CSMD3: variants seen among roughly 807,000 people sequenced by gnomAD.
The protein encoded by CSMD3 is CUB and Sushi multiple domains 3.
A neutral mutation model predicts 435.2 loss-of-function variants in CSMD3; 177 were observed. The observed-to-expected ratio is 0.41, with a 90% CI of 0.36 to 0.46. CSMD3 has a LOEUF of 0.46. CSMD3 is among the 20% of genes least tolerant of loss of function. CSMD3 has a pLI of 0.34. For missense variants in CSMD3, 4,265 were observed against 4,504.6 expected (o/e 0.95, Z 1.52); for synonymous variants, 1,656 against 1,520.5 (o/e 1.09, Z -2.07).
At chr8:112,328,752 A>G (rs571305237) in intron 45 of CSMD3, among the ~76,000 whole-genome samples, 10 of 152,174 alleles carry the variant, frequency 6.6e-5, no homozygotes, top group Admixed American at 3.9e-4. Flanking sequence ...ATGAAATCTG[A>G]TGGTGTTTGA....
intron 1 of CSMD3, among the ~76,000 whole-genome samples, chr8:113,348,556 T>C (rs1251013151): frequency 2.6e-5 from 4 of 152,122 alleles, no homozygotes; most frequent in African/African-American, 9.7e-5. Flanking sequence ...ATGTATTGAT[T>C]ATCAGGAGTA....
At chr8:112,419,557 T>C (rs1010457014) in intron 32 of CSMD3, among the ~76,000 whole-genome samples, 1 of 152,180 alleles carries the variant, frequency 6.6e-6, no homozygotes, top group African/African-American at 2.4e-5. Flanking sequence ...CTGTTAACAA[T>C]TTCTTTGTGT....
intron 5 of CSMD3, among the ~76,000 whole-genome samples, chr8:113,043,989 A>G: frequency 6.6e-6 from 1 of 152,226 alleles, no homozygotes; most frequent in Admixed American, 6.5e-5. Context: ...CTATAATTAT[A>G]TGAATTCACT....
chr8:112,561,460 T>A (rs117774820), intron 24 of CSMD3, among the ~76,000 whole-genome samples: 4 of 151,644 alleles, frequency 2.6e-5, no homozygotes, highest in African/African-American at 9.7e-5. Flanking sequence ...TGTAAGTTAT[T>A]TGAAATCTAC....
intron 59 of CSMD3, among the ~76,000 whole-genome samples, chr8:112,279,047 A>G (rs1818373204): frequency 6.7e-6 from 1 of 148,294 alleles, no homozygotes. Flanking sequence ...CAACAACAAC[A>G]ACAACAACAA....
intron 32 of CSMD3, among the ~76,000 whole-genome samples, chr8:112,410,972 A>G (rs1450375058): frequency 6.7e-6 from 1 of 148,894 alleles, no homozygotes; most frequent in African/African-American, 2.4e-5. Context: ...TCATTAAGGA[A>G]AAGTACAATA....
intron 41 of CSMD3, among the ~76,000 whole-genome samples, chr8:112,344,866 T>C (rs566830523): frequency 4.0e-4 from 61 of 152,242 alleles, no homozygotes; most frequent in African/African-American, 1.4e-3. Context: ...TTCATACTAC[T>C]TTTTAAAAAT....
intron 22 of CSMD3, among the ~76,000 whole-genome samples, chr8:112,609,120 T>C (rs1482300557): frequency 1.4e-5 from 2 of 141,454 alleles, no homozygotes; most frequent in African/African-American, 5.3e-5. Context: ...GAGAATCGCT[T>C]GAACCTGGGA....
At chr8:112,259,373 A>C (rs1816163167) in intron 61 of CSMD3, among the ~76,000 whole-genome samples, 2 of 152,114 alleles carry the variant, frequency 1.3e-5, no homozygotes, top group Admixed American at 6.5e-5. Context: ...TCTCACTCAT[A>C]AGTGGGAGTA....
intron 59 of CSMD3, among the ~76,000 whole-genome samples, chr8:112,267,297 G>T (rs932240765): frequency 1.3e-5 from 2 of 151,940 alleles, no homozygotes; most frequent in Admixed American, 1.3e-4. Flanking sequence ...AAAACAGTTC[G>T]ATGAAATTAA....
chr8:112,345,624 A>T (rs780186354), intron 41 of CSMD3, among the ~76,000 whole-genome samples: 2 of 152,148 alleles, frequency 1.3e-5, no homozygotes, highest in Non-Finnish European at 2.9e-5. Flanking sequence ...ACAAAATTTC[A>T]GTTACACAAA....
Position 112,266,365 on chromosome 8 carries a change from G to A in CSMD3, c.9509-775C>T, listed in dbSNP as rs150149090. On this transcript the variant is annotated intron_variant, in intron 59 of 70. Coordinates refer to ENST00000297405, the MANE Select transcript of CSMD3 (RefSeq NM_198123.2). ...AATGGGGAGGCCATGCAGGGCCAGG[G>A]GCAACAGGTTGTCAGGAGCAAAAGG... 3.0e-3 allele frequency among the ~76,000 whole-genome samples: 462 copies of A among 152,242 alleles called. 5 individuals are homozygous for A. The highest frequency in any genetic ancestry group is 0.01 in the African/African-American group (436 of 41,544).
At chr8:113,174,127 T>C (rs887953964) in intron 3 of CSMD3, among the ~76,000 whole-genome samples, 1 of 152,200 alleles carries the variant, frequency 6.6e-6, no homozygotes, top group African/African-American at 2.4e-5. Flanking sequence ...TCATTCTTTA[T>C]GCTAGAAAGT....
chr8:112,537,531 C>T (rs1216667317), intron 27 of CSMD3, among the ~76,000 whole-genome samples: 2 of 151,744 alleles, frequency 1.3e-5, no homozygotes, highest in African/African-American at 2.4e-5. Context: ...GTAAAAATCA[C>T]AGCCAAAAAA....
At chr8:112,783,012 C>T (rs980138784) in intron 13 of CSMD3, among the ~76,000 whole-genome samples, 8 of 151,992 alleles carry the variant, frequency 5.3e-5, no homozygotes, top group Non-Finnish European at 1.0e-4. Flanking sequence ...GTAAGACATT[C>T]ACTGGTAATA....
intron 1 of CSMD3, among the ~76,000 whole-genome samples, chr8:113,411,853 T>C (rs1207962015): frequency 6.6e-6 from 1 of 152,154 alleles, no homozygotes; most frequent in East Asian, 1.9e-4. Context: ...GATGGAAAAA[T>C]CTTCTTTTTA....
At position 113,173,842 on chromosome 8, in the gene CSMD3, C is replaced by T. The variant is rs372953098; in HGVS notation, c.589G>A (p.Gly197Arg). ...ACACAGCTGTAGCGGATCTTGTCCCCGACGTCGAATCTTGTGCCATATAAT... is the reference window on the plus strand; with the variant it reads ...ACACAGCTGTAGCGGATCTTGTCCCTGACGTCGAATCTTGTGCCATATAAT... ...GVLYGTRFDV[G>R]DKIRYSCVTG... Residue 197 changes from glycine to arginine, a missense_variant, in exon 4 of 71, where the codon GGG (glycine) becomes AGG (arginine). This residue lies in a region of CSMD3 where 731 missense variants were observed against 755.4 expected (regional missense o/e 0.97). Transcript: ENST00000297405. 8 of 1,613,690 alleles carry T rather than the reference C, an allele frequency of 5.0e-6. No individual in the cohort carries two copies. The highest frequency in any genetic ancestry group is 6.8e-6 in the Non-Finnish European group (8 of 1,179,832).
At chr8:113,144,001 A>T (rs953615828) in intron 4 of CSMD3, among the ~76,000 whole-genome samples, 3 of 151,378 alleles carry the variant, frequency 2.0e-5, no homozygotes, top group African/African-American at 7.3e-5. Flanking sequence ...ACGTGAATCC[A>T]CAATTATCTC....
intron 35 of CSMD3, among the ~76,000 whole-genome samples, chr8:112,395,116 A>G (rs1279457041): frequency 1.3e-5 from 2 of 152,312 alleles, no homozygotes; most frequent in African/African-American, 4.8e-5. Context: ...ACCACAATCT[A>G]ACATTTGCAT....
Sources: allele counts gnomAD v4.1 joint callset (sites outside exome capture counted in the v4.1 genomes callset), GRCh38; gene constraint gnomAD v4.1.1; regional missense constraint gnomAD v4.1.1; transcripts MANE v1.5; gene names NCBI Gene and HGNC (gene_info 2026-07-23, HGNC 2026-07-21).